The following ZNF492 variants were observed in gnomAD, a reference collection of about 807,000 sequenced individuals.
The protein encoded by ZNF492 is zinc finger protein 115 (Y20).
ZNF492 carries 3 observed loss-of-function variants against 6.4 expected under a neutral mutation model. The ratio of observed to expected loss-of-function variants is 0.47; its 90% CI spans 0.21 to 1.22. The LOEUF is 1.22. Among genes scored for constraint, ZNF492 ranks in the 50% most tolerant of loss-of-function variants. The pLI is 0.22. For missense variants in ZNF492, 356 were observed against 612.5 expected, an observed-to-expected ratio of 0.58 and a Z score of 4.42; for synonymous variants, 112 against 205.3, an observed-to-expected ratio of 0.55 and a Z score of 3.89.
intron 3 of ZNF492, among the ~76,000 whole-genome samples, chr19:22,659,925 C>G (rs1218320664): frequency 6.6e-6 from 1 of 152,110 alleles, no homozygotes; most frequent in Non-Finnish European, 1.5e-5. Flanking sequence ...CTCAACCTCC[C>G]AAAGTGCTGG....
intron 1 of ZNF492, among the ~76,000 whole-genome samples, chr19:22,640,998 C>T (rs1333319755): frequency 6.8e-6 from 1 of 147,538 alleles, no homozygotes; most frequent in Non-Finnish European, 1.5e-5. Context: ...GGATCTTTTC[C>T]TTTTTCTTCA....
rs189239122 is a variant in ZNF492, at chr19:22,666,740, A to T, written c.*1475A>T. The stretch of plus-strand genomic sequence containing the variant: ...AGACAAATTTTTAGTTTTAGTTAAA[A>T]TTAAAAATAAATTAGTATATTATTT... On this transcript the variant is annotated 3_prime_UTR_variant, in exon 4 of 4. Coordinates refer to ENST00000456783, the MANE Select transcript of ZNF492 (RefSeq NM_020855.3). The T allele has an allele frequency of 8.9e-4, 135 of 152,052 alleles. 1 individual carries two copies. The highest frequency in any genetic ancestry group is 2.9e-3 in the African/African-American group (122 of 41,566). The allele number at this position is 152,052 out of a possible 1,614,324, so 9.4% of individuals were successfully genotyped here.
intron 1 of ZNF492, among the ~76,000 whole-genome samples, chr19:22,648,925 C>T (rs1162310025): frequency 2.0e-5 from 3 of 152,148 alleles, no homozygotes; most frequent in African/African-American, 7.2e-5. Flanking sequence ...GCATTTAGCC[C>T]ATTTACATTT....
chr19:22,658,818 C>T (rs1446411336), intron 3 of ZNF492, among the ~76,000 whole-genome samples: 1 of 143,376 alleles, frequency 7.0e-6, no homozygotes, highest in East Asian at 2.0e-4. Context: ...CTTCATGTGA[C>T]CATATATGTG....
chr19:22,654,012 C>T lies in ZNF492; in HGVS notation c.127C>T (p.Pro43Ser), dbSNP rs1248615237. Residue 43 changes from proline to serine, a missense_variant, in exon 3 of 4, where the codon CCA (proline) becomes TCA (serine). Pro to Ser is a moderately conservative substitution (Grantham distance 74, BLOSUM62 -1). Around this residue, in one of 7 missense-constraint regions of ZNF492, gnomAD observed 196 missense variants for 219.4 expected, o/e 0.89. Transcript: ENST00000456783. ...GAGACATGAGATGGTAGCTGAACCC[C>T]CAGGTAGGTGAGAGTGAAAGTGAAT... ...VKRHEMVAEP[P>S]VVCSYFARDL... The T allele has an allele frequency of 1.3e-6, 2 of 1,596,736 alleles. No homozygotes were observed. The highest frequency in any genetic ancestry group is 1.7e-6 in the Non-Finnish European group (2 of 1,175,142).
At position 22,665,735 on chromosome 19, in the gene ZNF492, A is replaced by G. The variant is rs1052879224; in HGVS notation, c.*470A>G. 2 of 154,326 alleles carry G rather than the reference A, an allele frequency of 1.3e-5. No individual in the cohort carries two copies. Among genetic ancestry groups the G allele is most frequent in the Non-Finnish European group, 1.4e-5 (1 of 69,458 alleles). 9.6% of individuals were successfully genotyped at this position (154,326 alleles called of 1,614,324 possible). On this transcript the variant is annotated 3_prime_UTR_variant, in exon 4 of 4. Transcript: ENST00000456783. ...TATCGAAGAAAAACCCTGTAAATGT[A>G]ATAAATTTAGAAAAAAACATTTATT...
At position 22,636,514 on chromosome 19, in the gene ZNF492, CTGTG is replaced by C. The variant is rs141601969; in HGVS notation, c.-94+2068_-94+2071del. 3.3e-3 allele frequency among the ~76,000 whole-genome samples: 493 copies of C among 147,290 alleles called. 1 individual carries two copies. Among genetic ancestry groups the C allele is most frequent in the South Asian group, 8.3e-3 (38 of 4,572 alleles). ...ATGTTGCTTCAAAGGACATGATCTT[CTGTG>C]TGTGTGTGTGTGTGTGTGTGTGTGT... On this transcript the variant is annotated intron_variant, in intron 1 of 3. Transcript: ENST00000456783.
At position 22,634,473 on chromosome 19, in the gene ZNF492, C is replaced by T; in HGVS notation, c.-95C>T. 9.1e-7 allele frequency: 1 copy of T among 1,096,254 alleles called. No homozygotes were observed. The highest frequency in any genetic ancestry group is 2.2e-5 in the Admixed American group (1 of 45,472). The allele number at this position is 1,096,254 out of a possible 1,614,324, so 67.9% of individuals were successfully genotyped here. A position where few individuals can be genotyped will look rare whatever the true frequency, so the allele number is the denominator to read the frequency against. On this transcript the variant is annotated splice_region_variant and 5_prime_UTR_variant, in exon 1 of 4. It adds an upstream start codon to the 5' untranslated region. Coordinates refer to ENST00000456783, the MANE Select transcript of ZNF492 (RefSeq NM_020855.3). Reference sequence around the variant, plus strand: ...CTAGGACCCCCTGGAAGCCTAGAAACGGTGAGAGTGCCGGGTCCGACATCC... The same window carrying T: ...CTAGGACCCCCTGGAAGCCTAGAAATGGTGAGAGTGCCGGGTCCGACATCC...
At position 22,651,196 on chromosome 19, in the gene ZNF492, C is replaced by T. The variant is rs369492444; in HGVS notation, c.-93-2111C>T. ...GGCTCTCAGGTGGGTTGCTGCACCA[C>T]ACTGCTCTTTCTTCCTCTCTGTGGG... On this transcript the variant is annotated intron_variant, in intron 1 of 3. Transcript: ENST00000456783. 8.5e-4 allele frequency among the ~76,000 whole-genome samples: 129 copies of T among 151,890 alleles called. 1 individual carries two copies. The highest frequency in any genetic ancestry group is 2.9e-3 in the African/African-American group (119 of 41,364).
In ZNF492 at chr19:22,665,573, T is replaced by C. The variant is rs1367579997; in HGVS notation, c.*308T>C. ...AGCATTTAAAGTGCTGAAGAGGATT[T>C]ATTTTGAAGACAAACATTACAAATA... On this transcript the variant is annotated 3_prime_UTR_variant, in exon 4 of 4. Transcript: ENST00000456783. 2 of 310,746 alleles carry C rather than the reference T, an allele frequency of 6.4e-6. No homozygotes were observed. Among genetic ancestry groups the C allele is most frequent in the Admixed American group, 9.5e-5 (2 of 21,092 alleles). 19.2% of individuals were successfully genotyped at this position (310,746 alleles called of 1,614,324 possible). A position where few individuals can be genotyped will look rare whatever the true frequency, so the allele number is the denominator to read the frequency against.
chr19:22,635,943 G>C (rs1323345099), intron 1 of ZNF492, among the ~76,000 whole-genome samples: 1 of 152,152 alleles, frequency 6.6e-6, no homozygotes, highest in African/African-American at 2.4e-5. Flanking sequence ...TGGGGGTTTG[G>C]TGTGCAGATT....
Position 22,665,604 on chromosome 19 carries a change from G to A in ZNF492, c.*339G>A, listed in dbSNP as rs1482994119. The A allele has an allele frequency of 1.2e-5, 3 of 246,448 alleles. No homozygotes were observed. The highest frequency in any genetic ancestry group is 2.4e-5 in the Non-Finnish European group (3 of 127,574). 15.3% of individuals were successfully genotyped at this position (246,448 alleles called of 1,614,324 possible). ...GAAGACAAACATTACAAATATAAAC[G>A]AAGTTGTGGTAACTTTACTTGTAAC... On this transcript the variant is annotated 3_prime_UTR_variant, in exon 4 of 4. Transcript: ENST00000456783.
intron 3 of ZNF492, among the ~76,000 whole-genome samples, chr19:22,656,426 GTT>G (rs1439004648): frequency 6.6e-6 from 1 of 152,044 alleles, no homozygotes; most frequent in African/African-American, 2.4e-5. Flanking sequence ...ATGTAGATGA[GTT>G]TGGCTTTCAC....
At chr19:22,660,517 ATCT>A (rs948244233) in intron 3 of ZNF492, among the ~76,000 whole-genome samples, 3 of 150,974 alleles carry the variant, frequency 2.0e-5, no homozygotes, top group African/African-American at 7.4e-5. Context: ...GAATAAAAAA[ATCT>A]TCCTCATTAC....
intron 1 of ZNF492, among the ~76,000 whole-genome samples, chr19:22,641,173 G>A (rs1971822038): frequency 6.6e-6 from 1 of 152,040 alleles, no homozygotes; most frequent in South Asian, 2.1e-4. Context: ...TTCTCTCAGT[G>A]TTTTATTTAT....
chr19:22,659,819 C>A (rs1273758700), intron 3 of ZNF492, among the ~76,000 whole-genome samples: 2 of 151,792 alleles, frequency 1.3e-5, no homozygotes, highest in Non-Finnish European at 2.9e-5. Context: ...GTGCCCACCA[C>A]CATGCCCGGC....
At chr19:22,640,773 T>C (rs951830143) in intron 1 of ZNF492, among the ~76,000 whole-genome samples, 21 of 152,212 alleles carry the variant, frequency 1.4e-4, no homozygotes, top group Admixed American at 5.2e-4. Context: ...TGGTAGGCTA[T>C]TTATTACTAA....
chr19:22,647,002 G>T (rs1971884211), intron 1 of ZNF492, among the ~76,000 whole-genome samples: 1 of 151,944 alleles, frequency 6.6e-6, no homozygotes, highest in Non-Finnish European at 1.5e-5. Flanking sequence ...TGATTCTCCT[G>T]CCTCAGCCTC....
chr19:22,655,908 T>G (rs1300846591), intron 3 of ZNF492, among the ~76,000 whole-genome samples: 8 of 123,932 alleles, frequency 6.5e-5, no homozygotes, highest in African/African-American at 2.6e-4. Flanking sequence ...CACTGCAACC[T>G]CCACCTCCCA....
Sources: allele counts gnomAD v4.1 joint callset (sites outside exome capture counted in the v4.1 genomes callset), GRCh38; gene constraint gnomAD v4.1.1; regional missense constraint gnomAD v4.1.1; transcripts MANE v1.5; gene names NCBI Gene and HGNC (gene_info 2026-07-23, HGNC 2026-07-21).